Variants in GREB1 observed in about 807,000 individuals in gnomAD.
GREB1 encodes the protein growth regulating estrogen receptor binding 1, also known as protein GREB1.
Under a neutral mutation model 200.7 loss-of-function variants are expected in GREB1, and 106 were observed. That is an observed-to-expected ratio of 0.53 (90% CI 0.45 to 0.62). The LOEUF (loss-of-function observed/expected upper bound fraction) is 0.62. Among genes scored for constraint, GREB1 ranks in the 20% least tolerant of loss-of-function variants. The pLI is 0.00. For synonymous variants in GREB1, 1,132 were observed against 1,092.4 expected (o/e 1.04, Z -0.72); for missense variants, 2,243 against 2,556.8 (o/e 0.88, Z 2.65).
intron 1 of GREB1, among the ~76,000 whole-genome samples, chr2:11,517,888 C>T (rs1480102225): frequency 6.6e-6 from 1 of 152,132 alleles, no homozygotes; most frequent in Non-Finnish European, 1.5e-5. Flanking sequence ...CTCCTGACGT[C>T]GTGATCCACC....
intron 26 of GREB1, among the ~76,000 whole-genome samples, 189 bp from the exon 27 acceptor site, chr2:11,631,720 A>G (rs543386857): frequency 6.6e-6 from 1 of 152,326 alleles, no homozygotes; most frequent in African/African-American, 2.4e-5. Context: ...TCTTGAGGCT[A>G]TGCCCAGGAC....
chr2:11,571,228 G>A (rs1319096362), intron 4 of GREB1, among the ~76,000 whole-genome samples: 1 of 152,074 alleles, frequency 6.6e-6, no homozygotes, highest in Non-Finnish European at 1.5e-5. Flanking sequence ...GGGGAGGGTG[G>A]TCATTAGTTG....
At chr2:11,577,499 T>C (rs1478716638) in intron 5 of GREB1, among the ~76,000 whole-genome samples, 4 of 152,232 alleles carry the variant, frequency 2.6e-5, no homozygotes, top group Non-Finnish European at 5.9e-5. Context: ...GGGAGCAGGC[T>C]GCCCTCCCAC....
At chr2:11,628,891 G>A (rs935575526) in intron 25 of GREB1, among the ~76,000 whole-genome samples, 5 of 152,186 alleles carry the variant, frequency 3.3e-5, no homozygotes, top group African/African-American at 1.2e-4. Flanking sequence ...TGCCTGGGAC[G>A]GTGAGGGGGC....
intron 4 of GREB1, among the ~76,000 whole-genome samples, chr2:11,573,332 G>A (rs1378384524): frequency 6.6e-6 from 1 of 152,232 alleles, no homozygotes; most frequent in Non-Finnish European, 1.5e-5. Flanking sequence ...TCGTGTTTAA[G>A]ATGGACTGTT....
At chr2:11,599,550 C>T (rs181756615) in intron 15 of GREB1, among the ~76,000 whole-genome samples, 2,702 of 139,034 alleles carry the variant, frequency 0.019, 42 homozygotes, top group Non-Finnish European at 0.029. Context: ...GACAGAGTCT[C>T]TCTCTGTCGC....
chr2:11,532,558 A>G (rs1674113768), upstream of GREB1, among the ~76,000 whole-genome samples: 1 of 152,234 alleles, frequency 6.6e-6, no homozygotes, highest in Non-Finnish European at 1.5e-5. Context: ...AGAAGCAACC[A>G]AAATACTTCT....
chr2:11,520,953 T>G (rs920834600), intron 1 of GREB1, among the ~76,000 whole-genome samples: 2 of 152,148 alleles, frequency 1.3e-5, no homozygotes, highest in African/African-American at 4.8e-5. Context: ...GGTCACACAG[T>G]TAGCAGGGGG....
At chr2:11,514,732 C>T (rs772704564) in intron 1 of GREB1, among the ~76,000 whole-genome samples, 7 of 152,234 alleles carry the variant, frequency 4.6e-5, no homozygotes, top group Non-Finnish European at 8.8e-5. Context: ...CCTCTGTGCT[C>T]AGTCCATTGC....
At chr2:11,483,341 TGAGA>T (rs3071113) in intron 1 of GREB1, among the ~76,000 whole-genome samples, 2 of 149,358 alleles carry the variant, frequency 1.3e-5, no homozygotes, top group South Asian at 2.1e-4. Context: ...TGTGTGTGTG[TGAGA>T]GAGAGAGAGC....
chr2:11,624,331 T>G (rs943710496), intron 23 of GREB1, among the ~76,000 whole-genome samples: 1 of 146,124 alleles, frequency 6.8e-6, no homozygotes, highest in Non-Finnish European at 1.5e-5. Flanking sequence ...TATGTTTAGA[T>G]ACACAAATTC....
chr2:11,608,459 C>A (rs4669755), intron 17 of GREB1, among the ~76,000 whole-genome samples: 40,095 of 151,982 alleles, frequency 0.26, 6,104 homozygotes, highest in Admixed American at 0.4. Context: ...TGAGAGAATA[C>A]CAGACGTTGT....
intron 10 of GREB1, chr2:11,591,454 A>G (rs1680721998): frequency 1.4e-6 from 1 of 719,672 alleles, no homozygotes; most frequent in Non-Finnish European, 2.6e-6. Context: ...AGAAAATACC[A>G]GAAGGAAACA....
At chr2:11,616,598 C>T (rs768412972) in intron 20 of GREB1, 33 bp from the exon 21 acceptor site, 16 of 1,288,046 alleles carry the variant, frequency 1.2e-5, no homozygotes, top group South Asian at 7.1e-5. Flanking sequence ...ATGGTGATTT[C>T]GGTGCATTCT....
At position 11,597,714 on chromosome 2, in the gene GREB1, TG is replaced by T. The variant is rs1681398023; in HGVS notation, c.1955-65del. 3 of 1,446,422 alleles carry T rather than the reference TG, an allele frequency of 2.1e-6. No individual in the cohort carries two copies. In the South Asian group the frequency reaches 3.4e-5, roughly 16 times the overall value. 89.6% of individuals were successfully genotyped at this position (1,446,422 alleles called of 1,614,324 possible). A position where few individuals can be genotyped will look rare whatever the true frequency, so the allele number is the denominator to read the frequency against. On this transcript the variant is annotated intron_variant, in intron 13 of 32. Coordinates refer to ENST00000381486, the MANE Select transcript of GREB1 (RefSeq NM_014668.4). This position sits in a 1 kb window ranked among gnomAD's most constrained non-coding sequence, Gnocchi z 4.1. The stretch of plus-strand genomic sequence containing the variant: ...CCCTGGACAGGTCTCACTGATTCTC[TG>T]GCCAAGGGCCTGGCAGTAGCCGTGT...
Position 11,566,595 on chromosome 2 carries a change from C to T in GREB1, c.393C>T (p.Leu131=). The T allele has an allele frequency of 6.2e-7, 1 of 1,614,152 alleles. No homozygotes were observed. Among genetic ancestry groups the T allele is most frequent in the Admixed American group, 1.7e-5 (1 of 60,024 alleles). ...AGTCCCCCAGCCTGCCGGACCATCT[C>T]CTGGTGTGCGCCGTTGACAAGAGGT... ...GVKSPSLPDH[L]LVCAVDKRFL... The change falls in exon 4 of 33, where the codon CTC becomes CTT. Residue 131 remains leucine, a synonymous_variant. Transcript: ENST00000381486.
chr2:11,621,409 T>A (rs1323372415), intron 23 of GREB1, among the ~76,000 whole-genome samples: 1 of 152,214 alleles, frequency 6.6e-6, no homozygotes, highest in East Asian at 1.9e-4. Flanking sequence ...CAAAGCAGAC[T>A]TACCCCTCAG....
intron 8 of GREB1, 41 bp from the exon 9 acceptor site, chr2:11,585,721 C>A: frequency 6.2e-7 from 1 of 1,609,338 alleles, no homozygotes; most frequent in Non-Finnish European, 8.5e-7. Context: ...GAGGTGGATG[C>A]CTTGTCTGAT....
Position 11,633,152 on chromosome 2 carries a change from CT to C in GREB1, c.4991+90del, listed in dbSNP as rs1417471363. On this transcript the variant is annotated intron_variant, in intron 28 of 32. Transcript: ENST00000381486. This position sits in a 1 kb window ranked among gnomAD's most constrained non-coding sequence, Gnocchi z 4.1. The stretch of plus-strand genomic sequence containing the variant: ...CTTTGTATGGGGAATGTGCCCACCC[CT>C]GGAAGACCGGAGGGCCTCTCATAGT... The C allele has an allele frequency of 7.7e-7, 1 of 1,303,556 alleles. No individual in the cohort carries two copies. Among genetic ancestry groups the C allele is most frequent in the Non-Finnish European group, 1.1e-6 (1 of 913,438 alleles). 80.7% of individuals were successfully genotyped at this position (1,303,556 alleles called of 1,614,324 possible). A position where few individuals can be genotyped will look rare whatever the true frequency, so the allele number is the denominator to read the frequency against.
Sources: allele counts gnomAD v4.1 joint callset (sites outside exome capture counted in the v4.1 genomes callset), GRCh38; gene constraint gnomAD v4.1.1; non-coding constraint Gnocchi (gnomAD v3.1); transcripts MANE v1.5; gene names NCBI Gene and HGNC (gene_info 2026-07-23, HGNC 2026-07-21).